Variants in TSG101 observed in about 807,000 individuals in gnomAD.
The protein encoded by TSG101 is tumor susceptibility 101, also known as tumor susceptibility gene 101 protein.
TSG101 carries 19 observed loss-of-function variants against 48.5 expected under a neutral mutation model. The observed-to-expected ratio is 0.39, with a 90% CI of 0.27 to 0.58. The LOEUF is 0.58. TSG101 is among the 20% of genes least tolerant of loss of function. TSG101 has a pLI of 0.55. For missense variants in TSG101, 365 were observed against 484.4 expected, an observed-to-expected ratio of 0.75 and a Z score of 2.31; for synonymous variants, 174 against 169.4, an observed-to-expected ratio of 1.03 and a Z score of -0.21.
chr11:18,508,447 T>G (rs2133923576), intron 5 of TSG101: 1 of 152,104 alleles, frequency 6.6e-6, no homozygotes, highest in Middle Eastern at 3.4e-3. Context: ...CACCCCCACC[T>G]CGGCCTCCCA....
In TSG101 at chr11:18,526,847, G is replaced by A. The variant is rs765809194; in HGVS notation, c.-31C>T. 17 of 1,595,346 alleles carry A rather than the reference G, an allele frequency of 1.1e-5. No individual in the cohort carries two copies. The Admixed American group carries it at 2.7e-4, about 25-fold the overall frequency. On this transcript the variant is annotated 5_prime_UTR_variant, in exon 1 of 10. Coordinates refer to ENST00000251968, the MANE Select transcript of TSG101 (RefSeq NM_006292.4). ...CCGCCTGGCGACTCCCTTCCCCGCA[G>A]GCAGAGGGTCAGCCGCTGCTGGGCT...
chr11:18,485,006 T>C (rs537737670), intron 7 of TSG101, among the ~76,000 whole-genome samples: 1 of 141,052 alleles, frequency 7.1e-6, no homozygotes, highest in East Asian at 2.2e-4. Flanking sequence ...TCGCATGATC[T>C]CGGCTCACTG....
chr11:18,486,725 C>G (rs1237462792), intron 7 of TSG101, among the ~76,000 whole-genome samples: 1 of 151,578 alleles, frequency 6.6e-6, no homozygotes, highest in Non-Finnish European at 1.5e-5. Context: ...CCTCAGGGAT[C>G]TAGAACTAGA....
intron 7 of TSG101, chr11:18,490,888 G>T: frequency 2.0e-6 from 1 of 506,788 alleles, no homozygotes; most frequent in Non-Finnish European, 3.9e-6. Flanking sequence ...CGTGACTACA[G>T]CCATATCATC....
At chr11:18,497,964 T>C (rs1175663610) in intron 7 of TSG101, among the ~76,000 whole-genome samples, 3 of 151,620 alleles carry the variant, frequency 2.0e-5, no homozygotes, top group Non-Finnish European at 2.9e-5. Context: ...TCAGAAAACA[T>C]AACAGAAAAA....
intron 7 of TSG101, chr11:18,490,280 A>G (rs1187882100): frequency 1.8e-6 from 1 of 550,898 alleles, no homozygotes; most frequent in Non-Finnish European, 3.6e-6. Flanking sequence ...TGGTTTTCCG[A>G]TGTCCACAGA....
At chr11:18,526,661 A>T in intron 1 of TSG101, 114 bp downstream of exon 1, 1 of 1,321,766 alleles carries the variant, frequency 7.6e-7, no homozygotes, top group Non-Finnish European at 1.0e-6. Flanking sequence ...TAAGGACTGC[A>T]CCGGGGCTTC....
At chr11:18,483,020 C>CTG (rs1236942622) in intron 8 of TSG101, among the ~76,000 whole-genome samples, 2 of 142,254 alleles carry the variant, frequency 1.4e-5, no homozygotes, top group Non-Finnish European at 1.5e-5. Flanking sequence ...AGAAAGGGAC[C>CTG]TGTGTGCGTG....
At chr11:18,524,788 C>T (rs1850339059) in intron 1 of TSG101, among the ~76,000 whole-genome samples, 1 of 151,948 alleles carries the variant, frequency 6.6e-6, no homozygotes, top group South Asian at 2.1e-4. Flanking sequence ...ACATGCCTTG[C>T]CTTTGTCTTT....
chr11:18,496,596 G>T (rs1849787670), intron 7 of TSG101, among the ~76,000 whole-genome samples: 1 of 152,120 alleles, frequency 6.6e-6, no homozygotes, highest in Admixed American at 6.5e-5. Flanking sequence ...GGCCAGCACG[G>T]GTGGATCACT....
chr11:18,492,810 T>TA (rs1287743142), intron 7 of TSG101, among the ~76,000 whole-genome samples: 1 of 144,204 alleles, frequency 6.9e-6, no homozygotes, highest in East Asian at 2.0e-4. Flanking sequence ...AATAAGAAAG[T>TA]AAAAAAAGAA....
intron 6 of TSG101, among the ~76,000 whole-genome samples, chr11:18,505,086 T>C (rs1849947000): frequency 6.6e-6 from 1 of 152,160 alleles, no homozygotes; most frequent in Non-Finnish European, 1.5e-5. Flanking sequence ...TCCTAGATAT[T>C]ATATATGTAC....
At chr11:18,494,078 CAA>C (rs752917475) in intron 7 of TSG101, among the ~76,000 whole-genome samples, 13 of 151,976 alleles carry the variant, frequency 8.6e-5, no homozygotes, top group South Asian at 2.1e-4. Context: ...ACACACACCA[CAA>C]AAAAAGTTTA....
chr11:18,489,635 TA>T (rs1486396129), intron 7 of TSG101, among the ~76,000 whole-genome samples: 15 of 152,174 alleles, frequency 9.9e-5, no homozygotes, highest in African/African-American at 3.6e-4. Flanking sequence ...ACAAAGAATT[TA>T]AATTTCAGGA....
intron 7 of TSG101, among the ~76,000 whole-genome samples, chr11:18,499,380 A>AT (rs1272880701): frequency 6.9e-4 from 8 of 11,634 alleles, no homozygotes; most frequent in African/African-American, 8.6e-4. Flanking sequence ...GTTTATATTT[A>AT]AATATATATA....
intron 7 of TSG101, among the ~76,000 whole-genome samples, chr11:18,484,283 G>C (rs369120319): frequency 8.6e-4 from 131 of 152,306 alleles, no homozygotes; most frequent in African/African-American, 2.9e-3. Context: ...ATTAATCCAT[G>C]TTAAACCCAG....
chr11:18,507,054 C>T (rs1849986447), intron 5 of TSG101, 131 bp from the exon 6 acceptor site: 1 of 503,146 alleles, frequency 2.0e-6, no homozygotes, highest in Non-Finnish European at 3.4e-6. Flanking sequence ...ATCTCAGCAC[C>T]AAAACAAAAC....
chr11:18,521,355 ATTCC>A (rs1231324753), intron 1 of TSG101, among the ~76,000 whole-genome samples: 1 of 114,460 alleles, frequency 8.7e-6, no homozygotes, highest in Non-Finnish European at 1.8e-5. Context: ...GACCAAACTG[ATTCC>A]TTTTTTTTTT....
intron 7 of TSG101, chr11:18,490,143 A>C (rs1849677917): frequency 5.1e-6 from 1 of 196,138 alleles, no homozygotes; most frequent in Admixed American, 5.6e-5. Flanking sequence ...TGAAAAATCC[A>C]AAGTCAACAT....
Sources: gnomAD v4.1 joint callset for allele counts (sites outside exome capture counted in the v4.1 genomes callset) on GRCh38, gnomAD v4.1.1 for gene constraint, MANE v1.5 for transcripts, NCBI Gene and HGNC (gene_info 2026-07-23, HGNC 2026-07-21) for gene names.